Variants in CNPY1 observed in about 807,000 individuals in gnomAD.
CNPY1 encodes protein canopy homolog 1.
A neutral mutation model predicts 14.4 loss-of-function variants in CNPY1; 14 were observed. The observed-to-expected ratio is 0.97, with a 90% CI of 0.64 to 1.52. The LOEUF is 1.52. Ranked by LOEUF, CNPY1 falls within the 40% of genes most tolerant of loss-of-function variation. CNPY1 has a pLI of 0.00. For missense variants in CNPY1, 129 were observed against 131.5 expected, an observed-to-expected ratio of 0.98 and a Z score of 0.09; for synonymous variants, 43 against 46.5, an observed-to-expected ratio of 0.92 and a Z score of 0.31.
rs764841901 is a variant in CNPY1 at position 155,503,080 on chromosome 7, A to G, written c.426T>C (p.His142=). 10 of 1,607,454 alleles carry G rather than the reference A, an allele frequency of 6.2e-6. No individual in the cohort carries two copies. The highest frequency in any genetic ancestry group is 8.5e-6 in the Non-Finnish European group (10 of 1,178,858). ...KSDLCETSAN[H]TEL ...CAGAACGGCACTCCTAGAGCTCAGT[A>G]TGATTAGCAGAAGTTTCACACAGAT... Residue 142 remains histidine (H), a synonymous_variant, in exon 5 of 5, where the codon CAT becomes CAC. Transcript: ENST00000636446.
At chr7:155,534,987 G>A (rs1797006659) in intron 2 of CNPY1, among the ~76,000 whole-genome samples, 2 of 152,152 alleles carry the variant, frequency 1.3e-5, no homozygotes, top group South Asian at 4.1e-4. Context: ...ACCCCAGCTT[G>A]GGGAAAGGGA....
chr7:155,527,819 T>C (rs555885138), intron 2 of CNPY1, among the ~76,000 whole-genome samples: 1 of 152,282 alleles, frequency 6.6e-6, no homozygotes, highest in African/African-American at 2.4e-5. Flanking sequence ...GTATTCAGCC[T>C]ACCTGATTTG....
At chr7:155,528,637 A>G (rs1319923509) in intron 2 of CNPY1, among the ~76,000 whole-genome samples, 1 of 152,242 alleles carries the variant, frequency 6.6e-6, no homozygotes, top group Non-Finnish European at 1.5e-5. Flanking sequence ...CCAGCTGAAG[A>G]ACAGGACACT....
rs115643532 is a variant in CNPY1, at chr7:155,528,782, T to A, written c.99+17049A>T. ...CACCTAAGAAAAAACAACTTTGGGCTGGGCGCGGTGGCTCACACCTGTAAT... is the reference window on the plus strand; with the variant it reads ...CACCTAAGAAAAAACAACTTTGGGCAGGGCGCGGTGGCTCACACCTGTAAT... On this transcript the variant is annotated intron_variant, in intron 2 of 4. Transcript: ENST00000636446. Among the ~76,000 whole-genome samples, 17 of 152,316 alleles carry A rather than the reference T, an allele frequency of 1.1e-4. No individual in the cohort carries two copies. In the South Asian group the frequency reaches 2.3e-3, roughly 20 times the overall value.
At chr7:155,523,898 G>T (rs957221319) in intron 2 of CNPY1, among the ~76,000 whole-genome samples, 1 of 152,190 alleles carries the variant, frequency 6.6e-6, no homozygotes, top group Non-Finnish European at 1.5e-5. Flanking sequence ...CAGACCACAC[G>T]GGGGAGAAAG....
rs866823522 is a variant in CNPY1, at chr7:155,509,740, C to T, written c.100-643G>A. ...GCTCACGGACGGGCGCCCCATCTCC[C>T]AGGCGGGCTCCTCGGCTGCTTTCTT... On this transcript the variant is annotated intron_variant, in intron 2 of 4. Coordinates refer to ENST00000636446, the MANE Select transcript of CNPY1 (RefSeq NM_001393663.1). 1.4e-4 allele frequency among the ~76,000 whole-genome samples: 21 copies of T among 152,328 alleles called. No homozygotes were observed. In the Middle Eastern group the frequency reaches 0.01, roughly 74 times the overall value.
chr7:155,542,660 G>A (rs987381324), intron 2 of CNPY1, among the ~76,000 whole-genome samples: 1 of 152,306 alleles, frequency 6.6e-6, no homozygotes, highest in East Asian at 1.9e-4. Flanking sequence ...AGACCCTCCC[G>A]CTGCTGAGAG....
At chr7:155,519,607 T>A (rs1796681467) in intron 2 of CNPY1, among the ~76,000 whole-genome samples, 1 of 150,616 alleles carries the variant, frequency 6.6e-6, no homozygotes. Context: ...AAGAACAGAT[T>A]GAATCCAAAC....
In CNPY1 at chr7:155,512,463, G is replaced by A. The variant is rs530273433; in HGVS notation, c.100-3366C>T. Among the ~76,000 whole-genome samples, 3 of 152,264 alleles carry A rather than the reference G, an allele frequency of 2.0e-5. No homozygotes were observed. In the South Asian group the frequency reaches 6.2e-4, roughly 32 times the overall value. On this transcript the variant is annotated intron_variant, in intron 2 of 4. Coordinates refer to ENST00000636446, the MANE Select transcript of CNPY1 (RefSeq NM_001393663.1). ...TTCTGACCCTGTGCTTGTTGTGTGAGCAATGGAATGGGGGTGGGGAGATAC... is the reference window on the plus strand; with the variant it reads ...TTCTGACCCTGTGCTTGTTGTGTGAACAATGGAATGGGGGTGGGGAGATAC...
At chr7:155,516,391 G>A (rs868079108) in intron 2 of CNPY1, among the ~76,000 whole-genome samples, 1 of 152,186 alleles carries the variant, frequency 6.6e-6, no homozygotes, top group Non-Finnish European at 1.5e-5. Context: ...AGTGGGAGAG[G>A]ATGAGAGTTT....
At chr7:155,513,409 A>G (rs931868261) in intron 2 of CNPY1, among the ~76,000 whole-genome samples, 3 of 152,216 alleles carry the variant, frequency 2.0e-5, no homozygotes, top group South Asian at 2.1e-4. Context: ...TGTGGTGTCC[A>G]TAAGACCTTG....
intron 2 of CNPY1, among the ~76,000 whole-genome samples, chr7:155,541,232 G>A (rs954541515): frequency 6.6e-6 from 1 of 152,320 alleles, no homozygotes; most frequent in African/African-American, 2.4e-5. Context: ...AGACCTCCGC[G>A]AGCGGAGCAC....
chr7:155,545,718 T>C (rs998617257), intron 2 of CNPY1, 113 bp downstream of exon 2: 2 of 394,498 alleles, frequency 5.1e-6, no homozygotes, highest in African/African-American at 2.1e-5. Flanking sequence ...TTAGAGCTGA[T>C]ACCCTGAACA....
intron 2 of CNPY1, among the ~76,000 whole-genome samples, chr7:155,520,780 C>T (rs562686516): frequency 5.3e-5 from 8 of 152,164 alleles, no homozygotes; most frequent in Admixed American, 1.3e-4. Flanking sequence ...TCTTTATGTT[C>T]GTTAATACCC....
At chr7:155,504,979 A>T (rs563556773) in intron 4 of CNPY1, among the ~76,000 whole-genome samples, 1 of 152,344 alleles carries the variant, frequency 6.6e-6, no homozygotes, top group South Asian at 2.1e-4. Context: ...CTGTTGCTTC[A>T]GTCACTTATC....
chr7:155,510,974 G>C (rs1203612206), intron 2 of CNPY1, among the ~76,000 whole-genome samples: 1 of 152,138 alleles, frequency 6.6e-6, no homozygotes, highest in Admixed American at 6.5e-5. Flanking sequence ...ATGTATTTTA[G>C]GTATTATTTC....
rs1796138903 is a variant in CNPY1 at position 155,502,246 on chromosome 7, G to T, written c.*822C>A. 6.6e-6 allele frequency: 1 copy of T among 151,898 alleles called. No individual in the cohort carries two copies. Among genetic ancestry groups the T allele is most frequent in the South Asian group, 2.1e-4 (1 of 4,826 alleles). 9.4% of individuals were successfully genotyped at this position (151,898 alleles called of 1,614,324 possible). ...CAACTCTTTTTCCATTCCTGTAGAA[G>T]AATGGTAGATTATTTAGTAGTAAAC... On this transcript the variant is annotated 3_prime_UTR_variant, in exon 5 of 5. Transcript: ENST00000636446.
chr7:155,513,285 G>T (rs991835939), intron 2 of CNPY1, among the ~76,000 whole-genome samples: 1 of 152,156 alleles, frequency 6.6e-6, no homozygotes, highest in Non-Finnish European at 1.5e-5. Context: ...ATTGCATCTG[G>T]ACGTAATAAG....
At chr7:155,524,366 C>G (rs1796781809) in intron 2 of CNPY1, among the ~76,000 whole-genome samples, 1 of 152,238 alleles carries the variant, frequency 6.6e-6, no homozygotes, top group African/African-American at 2.4e-5. Context: ...CAGTACCAGT[C>G]TGCAGGCTGT....
Sources: gnomAD v4.1 joint callset for allele counts (sites outside exome capture counted in the v4.1 genomes callset) on GRCh38, gnomAD v4.1.1 for gene constraint, MANE v1.5 for transcripts, NCBI Gene and HGNC (gene_info 2026-07-23, HGNC 2026-07-21) for gene names.